Variants in CDK7 observed in about 807,000 individuals in gnomAD.
CDK7 encodes cyclin-dependent kinase 7.
CDK7 carries 25 observed loss-of-function variants against 49.1 expected under a neutral mutation model. The ratio of observed to expected loss-of-function variants is 0.51; its 90% CI spans 0.37 to 0.71. The LOEUF (loss-of-function observed/expected upper bound fraction) is 0.71. CDK7 is among the 30% of genes least tolerant of loss of function. The pLI is 0.00. For missense variants in CDK7, 316 were observed against 411.7 expected, an observed-to-expected ratio of 0.77 and a Z score of 2.01; for synonymous variants, 107 against 140.0, an observed-to-expected ratio of 0.76 and a Z score of 1.67.
At chr5:69,273,312 C>T (rs1190489035) in intron 10 of CDK7, among the ~76,000 whole-genome samples, 1 of 143,916 alleles carries the variant, frequency 6.9e-6, no homozygotes, top group Non-Finnish European at 1.5e-5. Flanking sequence ...ACATAATTGG[C>T]TTGTAAATAC....
chr5:69,270,394 G>A (rs1424492127), intron 9 of CDK7, among the ~76,000 whole-genome samples: 1 of 152,206 alleles, frequency 6.6e-6, no homozygotes, highest in Non-Finnish European at 1.5e-5. Flanking sequence ...GCAGTGAGCT[G>A]TGATTGCACC....
chr5:69,271,566 C>T (rs2150231921), intron 9 of CDK7, among the ~76,000 whole-genome samples: 2 of 147,170 alleles, frequency 1.4e-5, no homozygotes. Context: ...GGCTGCAGTG[C>T]AATGGTGTGA....
chr5:69,253,836 C>A (rs564220136), intron 3 of CDK7, among the ~76,000 whole-genome samples: 2 of 152,128 alleles, frequency 1.3e-5, no homozygotes, highest in Non-Finnish European at 2.9e-5. Context: ...CCATGGCTTA[C>A]GCCTGTAATC....
intron 2 of CDK7, among the ~76,000 whole-genome samples, chr5:69,241,566 C>T (rs886138996): frequency 1.7e-4 from 26 of 151,894 alleles, no homozygotes; most frequent in South Asian, 4.2e-4. Flanking sequence ...CCACGTGATC[C>T]GCCTGCCTCA....
chr5:69,247,028 C>T (rs1749800446), intron 2 of CDK7, among the ~76,000 whole-genome samples: 1 of 152,150 alleles, frequency 6.6e-6, no homozygotes, highest in Non-Finnish European at 1.5e-5. Flanking sequence ...TATGGTCTGT[C>T]CTTGAGAATC....
chr5:69,276,489 T>C, intron 10 of CDK7, 54 bp from the exon 11 acceptor site: 1 of 1,534,264 alleles, frequency 6.5e-7, no homozygotes, highest in Non-Finnish European at 9.0e-7. Context: ...AGATTTTCCT[T>C]AACACATTTC....
At chr5:69,259,445 C>T (rs1750682442) in intron 6 of CDK7, among the ~76,000 whole-genome samples, 1 of 152,134 alleles carries the variant, frequency 6.6e-6, no homozygotes, top group African/African-American at 2.4e-5. Flanking sequence ...ATGTCATCCT[C>T]ATTCTTATAC....
At chr5:69,276,245 T>C (rs1379491363) in intron 10 of CDK7, among the ~76,000 whole-genome samples, 1 of 152,104 alleles carries the variant, frequency 6.6e-6, no homozygotes, top group Non-Finnish European at 1.5e-5. Flanking sequence ...GCCAAGCTGA[T>C]CTCGAACTTC....
chr5:69,242,900 C>G (rs948166975), intron 2 of CDK7, among the ~76,000 whole-genome samples: 1 of 152,038 alleles, frequency 6.6e-6, no homozygotes, highest in African/African-American at 2.4e-5. Flanking sequence ...ACAAAATTAT[C>G]CGGGCGTGGT....
At chr5:69,264,952 CA>C (rs1298292376) in intron 8 of CDK7, among the ~76,000 whole-genome samples, 4 of 149,144 alleles carry the variant, frequency 2.7e-5, no homozygotes, top group Non-Finnish European at 4.4e-5. Flanking sequence ...GCCTGGGCAA[CA>C]AATGTGAAAT....
intron 2 of CDK7, chr5:69,250,705 C>G: frequency 2.2e-6 from 1 of 456,648 alleles, no homozygotes; most frequent in Non-Finnish European, 4.4e-6. Flanking sequence ...AGCTGCAAGA[C>G]AGAATCTCCT....
intron 2 of CDK7, among the ~76,000 whole-genome samples, chr5:69,243,864 G>A (rs1395923026): frequency 3.6e-5 from 4 of 110,704 alleles, no homozygotes; most frequent in Non-Finnish European, 6.6e-5. Context: ...ATGGAGTCTC[G>A]CACTGTTGCC....
In CDK7 at chr5:69,272,877, A is replaced by G. The variant is rs2150235687; in HGVS notation, c.715-15A>G. The G allele has an allele frequency of 6.5e-7, 1 of 1,538,852 alleles. No individual in the cohort carries two copies. The highest frequency in any genetic ancestry group is 1.3e-5 in the South Asian group (1 of 79,354). ...CTTTAATCCTTAAGTTTGAATTACAAAATTATTTTTACAGGACATGTGTAG... is the reference window on the plus strand; with the variant it reads ...CTTTAATCCTTAAGTTTGAATTACAGAATTATTTTTACAGGACATGTGTAG... On this transcript the variant is annotated splice_polypyrimidine_tract_variant and intron_variant, in intron 9 of 11. Coordinates refer to ENST00000256443, the MANE Select transcript of CDK7 (RefSeq NM_001799.4).
At chr5:69,235,988 C>G (rs1020117828) in intron 2 of CDK7, among the ~76,000 whole-genome samples, 3 of 152,168 alleles carry the variant, frequency 2.0e-5, no homozygotes, top group Admixed American at 6.5e-5. Flanking sequence ...CGCCTGTAAT[C>G]CCAGCACTTT....
intron 2 of CDK7, among the ~76,000 whole-genome samples, chr5:69,250,997 A>G (rs992617909): frequency 2.6e-5 from 4 of 151,940 alleles, no homozygotes; most frequent in South Asian, 2.1e-4. Flanking sequence ...TGGTGCAATC[A>G]TAGCTCACTG....
chr5:69,239,026 A>T (rs1304394448), intron 2 of CDK7, among the ~76,000 whole-genome samples: 1 of 151,818 alleles, frequency 6.6e-6, no homozygotes, highest in Admixed American at 6.6e-5. Context: ...CTGCTTTTTA[A>T]TGTTTTCCTT....
At chr5:69,256,707 G>A (rs555935524) in intron 5 of CDK7, among the ~76,000 whole-genome samples, 5 of 152,046 alleles carry the variant, frequency 3.3e-5, no homozygotes, top group East Asian at 3.9e-4. Context: ...TAGTGGTATC[G>A]ATCACAATAT....
At chr5:69,265,793 C>G (rs748863825) in intron 8 of CDK7, among the ~76,000 whole-genome samples, 7 of 152,022 alleles carry the variant, frequency 4.6e-5, no homozygotes, top group Non-Finnish European at 8.8e-5. Flanking sequence ...GCGTGTTTTC[C>G]CAGCTACTCA....
At chr5:69,255,685 A>G (rs1293848752) in intron 5 of CDK7, 157 bp downstream of exon 5, 2 of 682,570 alleles carry the variant, frequency 2.9e-6, no homozygotes, top group Non-Finnish European at 5.3e-6. Context: ...ATCTCTAGTT[A>G]TTTTCTTCTA....
Sources: gnomAD v4.1 joint callset for allele counts (sites outside exome capture counted in the v4.1 genomes callset) on GRCh38, gnomAD v4.1.1 for gene constraint, MANE v1.5 for transcripts, NCBI Gene and HGNC (gene_info 2026-07-23, HGNC 2026-07-21) for gene names.